Variants in MIR2052HG observed in about 807,000 individuals in gnomAD.
MIR2052HG encodes the protein MIR2052 host gene.
intron 4 of MIR2052HG, among the ~76,000 whole-genome samples, chr8:74,704,248 C>A (rs537441599): frequency 2.0e-5 from 3 of 151,988 alleles, no homozygotes; most frequent in Non-Finnish European, 4.4e-5. Flanking sequence ...TCTTTCTATA[C>A]TTCTTGGCAA....
chr8:74,700,417 G>A (rs949774966), intron 2 of MIR2052HG, among the ~76,000 whole-genome samples: 9 of 152,206 alleles, frequency 5.9e-5, no homozygotes, highest in East Asian at 5.8e-4. Flanking sequence ...AACATGAGCC[G>A]TATATGTCAT....
At chr8:74,758,291 A>G (rs1004175455) in intron 6 of MIR2052HG, 11 of 151,996 alleles carry the variant, frequency 7.2e-5, no homozygotes, top group African/African-American at 2.7e-4. Context: ...TCCTCATTTT[A>G]TTGTGTAAAT....
chr8:74,629,437 C>T (rs1808479105), intron 2 of MIR2052HG, among the ~76,000 whole-genome samples: 3 of 151,856 alleles, frequency 2.0e-5, no homozygotes, highest in Admixed American at 1.3e-4. Flanking sequence ...TAGGTGATGC[C>T]TAGGGTGGGG....
chr8:74,648,739 T>A (rs983409911), intron 2 of MIR2052HG, among the ~76,000 whole-genome samples: 3 of 151,822 alleles, frequency 2.0e-5, no homozygotes, highest in African/African-American at 7.3e-5. Flanking sequence ...TACGTATTAT[T>A]TTCTTATATT....
chr8:74,609,499 A>AC (rs1808160279), intron 1 of MIR2052HG, among the ~76,000 whole-genome samples: 1 of 151,828 alleles, frequency 6.6e-6, no homozygotes, highest in Non-Finnish European at 1.5e-5. Context: ...CAAAGGAAGA[A>AC]AATTGCATGC....
intron 2 of MIR2052HG, among the ~76,000 whole-genome samples, chr8:74,638,847 G>A (rs537120168): frequency 6.6e-6 from 1 of 152,126 alleles, no homozygotes; most frequent in Non-Finnish European, 1.5e-5. Flanking sequence ...ATCAGGATAC[G>A]GATGAAATCG....
chr8:74,707,161 C>T (rs192863678), intron 4 of MIR2052HG, among the ~76,000 whole-genome samples: 66 of 152,172 alleles, frequency 4.3e-4, no homozygotes, highest in African/African-American at 4.8e-5. Context: ...AGATATCTGT[C>T]GTCACCTGAA....
intron 2 of MIR2052HG, among the ~76,000 whole-genome samples, chr8:74,636,064 A>G (rs1487945565): frequency 3.9e-5 from 6 of 152,130 alleles, no homozygotes; most frequent in Non-Finnish European, 8.8e-5. Flanking sequence ...AGATGTCCTC[A>G]GTTGCCTCTA....
intron 2 of MIR2052HG, among the ~76,000 whole-genome samples, chr8:74,642,310 G>A (rs1272777817): frequency 6.6e-6 from 1 of 152,044 alleles, no homozygotes; most frequent in Non-Finnish European, 1.5e-5. Context: ...AAGTTCTGAA[G>A]AACTTTAGGA....
At chr8:74,693,658 G>A (rs974834374) in intron 2 of MIR2052HG, among the ~76,000 whole-genome samples, 2 of 152,050 alleles carry the variant, frequency 1.3e-5, no homozygotes, top group African/African-American at 2.4e-5. Flanking sequence ...CCTTTTGGCT[G>A]TGTGGGAGCT....
intron 2 of MIR2052HG, among the ~76,000 whole-genome samples, chr8:74,651,536 C>T (rs1808753093): frequency 6.6e-6 from 1 of 152,018 alleles, no homozygotes; most frequent in Admixed American, 6.6e-5. Context: ...TGCAGTTCTA[C>T]AAGGAGTCTA....
At position 74,738,257 on chromosome 8, in the gene MIR2052HG, T is replaced by C. The variant is rs1483204365; in HGVS notation, n.372-14184T>C. On this transcript the variant is annotated intron_variant and non_coding_transcript_variant, in intron 4 of 6. Transcript: ENST00000523442. The stretch of plus-strand genomic sequence containing the variant: ...GTACCGTATTTCCATTTCTCTTCTT[T>C]CCACCAACTCCTCTCTGGCAAGAAT... Among the ~76,000 whole-genome samples the C allele has an allele frequency of 3.3e-5, 5 of 152,100 alleles. No homozygotes were observed. The East Asian group carries it at 9.6e-4, about 29-fold the overall frequency.
At chr8:74,712,700 C>CTTTTTTTTTTTT (rs34899536) in intron 4 of MIR2052HG, among the ~76,000 whole-genome samples, 1 of 143,456 alleles carries the variant, frequency 7.0e-6, no homozygotes. Context: ...CTTTTTCTGC[C>CTTTTTTTTTTTT]TTTTTTTTTT....
intron 2 of MIR2052HG, among the ~76,000 whole-genome samples, chr8:74,653,325 A>C (rs1347184326): frequency 6.6e-6 from 1 of 152,234 alleles, no homozygotes; most frequent in Non-Finnish European, 1.5e-5. Flanking sequence ...TTACTTCACC[A>C]GCTAGTTTAA....
intron 4 of MIR2052HG, among the ~76,000 whole-genome samples, chr8:74,719,829 C>CT (rs1182515871): frequency 1.7e-3 from 205 of 124,160 alleles, no homozygotes; most frequent in East Asian, 5.0e-3. Flanking sequence ...AGTGCTCCTT[C>CT]TTTTTTTTTT....
intron 2 of MIR2052HG, among the ~76,000 whole-genome samples, chr8:74,623,314 G>C (rs1303077325): frequency 1.3e-5 from 2 of 152,072 alleles, no homozygotes; most frequent in African/African-American, 4.8e-5. Context: ...ATTTCCTTAG[G>C]TGGGGGTGAC....
At chr8:74,745,108 GA>G (rs1404942742) in intron 4 of MIR2052HG, among the ~76,000 whole-genome samples, 1 of 151,866 alleles carries the variant, frequency 6.6e-6, no homozygotes, top group Non-Finnish European at 1.5e-5. Context: ...AAAAAAATGT[GA>G]AAAAATGAAA....
intron 4 of MIR2052HG, among the ~76,000 whole-genome samples, chr8:74,747,587 G>A (rs1174620029): frequency 6.6e-6 from 1 of 151,982 alleles, no homozygotes; most frequent in African/African-American, 2.4e-5. Flanking sequence ...ACATATTTTG[G>A]CCTATCATTT....
At chr8:74,613,785 C>G (rs1319340046) in intron 2 of MIR2052HG, among the ~76,000 whole-genome samples, 1 of 152,172 alleles carries the variant, frequency 6.6e-6, no homozygotes, top group Non-Finnish European at 1.5e-5. Flanking sequence ...CCATGCCTGG[C>G]CTGCAGGGAT....
Sources: allele counts gnomAD v4.1 joint callset (sites outside exome capture counted in the v4.1 genomes callset), GRCh38; gene constraint gnomAD v4.1.1; transcripts MANE v1.5; gene names NCBI Gene and HGNC (gene_info 2026-07-23, HGNC 2026-07-21).